The following MYRF variants were observed in gnomAD, a reference collection of about 807,000 sequenced individuals.
MYRF encodes myelin regulatory factor, also known as myelin gene regulatory factor.
MYRF carries 16 observed loss-of-function variants against 126.3 expected under a neutral mutation model. The observed-to-expected ratio is 0.13, with a 90% confidence interval of 0.09 to 0.19. The LOEUF is 0.19. MYRF is among the 10% of genes least tolerant of loss of function. The probability of loss-of-function intolerance (pLI) is 1.00; values close to 1 mark genes in which losing one functional copy is unlikely to be tolerated. For missense variants in MYRF, 1,104 were observed against 1,547.0 expected (o/e 0.71, Z 4.80); for synonymous variants, 608 against 635.3 (o/e 0.96, Z 0.65).
rs1470858981 is a variant in MYRF at position 61,780,702 on chromosome 11, T to TGCCCCTTAGCTCTTTTGCC, written c.2406-8_2416dup. 6.5e-7 allele frequency: 1 copy of TGCCCCTTAGCTCTTTTGCC among 1,549,990 alleles called. No homozygotes were observed. Among genetic ancestry groups the TGCCCCTTAGCTCTTTTGCC allele is most frequent in the African/African-American group, 1.4e-5 (1 of 73,046 alleles). On this transcript the variant is annotated splice_polypyrimidine_tract_variant and intron_variant, in intron 18 of 26. Coordinates refer to ENST00000278836, the MANE Select transcript of MYRF (RefSeq NM_001127392.3). Reference sequence around the variant, plus strand: ...CCTGTCTCACCCTTTGCCTTTTTGCTGCCCCTTAGCTCTTTTGCCGTGTCC... The same window carrying TGCCCCTTAGCTCTTTTGCC: ...CCTGTCTCACCCTTTGCCTTTTTGCTGCCCCTTAGCTCTTTTGCCGCCCCTTAGCTCTTTTGCCGTGTCC...
At chr11:61,784,408 G>C (rs1283544964) in intron 25 of MYRF, 23 bp downstream of exon 25, 2 of 1,595,454 alleles carry the variant, frequency 1.3e-6, no homozygotes, top group African/African-American at 1.3e-5. Flanking sequence ...GGGAAGCTGC[G>C]GGCCGGCCAG....
At chr11:61,762,393 G>C (rs1411475816) in intron 1 of MYRF, among the ~76,000 whole-genome samples, 1 of 152,202 alleles carries the variant, frequency 6.6e-6, no homozygotes, top group Non-Finnish European at 1.5e-5. Flanking sequence ...TTGGGCCCTG[G>C]GCAGCCTCGG....
intron 1 of MYRF, 32 bp from the exon 2 acceptor site, chr11:61,765,593 C>G (rs921210277): frequency 6.3e-7 from 1 of 1,581,252 alleles, no homozygotes; most frequent in African/African-American, 1.4e-5. Context: ...GGAGCTGGGC[C>G]TCTTCCCTAG....
intron 1 of MYRF, among the ~76,000 whole-genome samples, chr11:61,760,629 T>C (rs198471): frequency 0.71 from 107,393 of 151,930 alleles, 38,907 homozygotes; most frequent in East Asian, 0.77. Context: ...TGGGCGGAGG[T>C]GTGCAGGCAG....
intron 1 of MYRF, among the ~76,000 whole-genome samples, chr11:61,760,206 A>C (rs1198991414): frequency 6.6e-6 from 1 of 152,142 alleles, no homozygotes; most frequent in Non-Finnish European, 1.5e-5. Context: ...TGACCTTGTG[A>C]TCTGCCCACC....
rs2066604121 is a variant in MYRF at position 61,783,389 on chromosome 11, T to A, written c.3017-109T>A. On this transcript the variant is annotated intron_variant, in intron 22 of 26. Transcript: ENST00000278836. The surrounding 1 kb of genome is among the most constrained non-coding windows in gnomAD (Gnocchi z 4.6). ...TGTGGAGGTCTGGAAAAAAATAACC[T>A]GGAACTTATTCATACTAAGGTGTGA... 2.4e-6 allele frequency: 2 copies of A among 834,472 alleles called. No individual in the cohort carries two copies. Among genetic ancestry groups the A allele is most frequent in the Non-Finnish European group, 4.0e-6 (2 of 504,764 alleles). The allele number at this position is 834,472 out of a possible 1,614,324, so 51.7% of individuals were successfully genotyped here.
intron 16 of MYRF, 136 bp downstream of exon 16, chr11:61,779,706 G>C: frequency 6.6e-6 from 8 of 1,212,518 alleles, no homozygotes; most frequent in Non-Finnish European, 9.2e-6. Flanking sequence ...TCCCAGCCCC[G>C]TTTCTCTTTC....
At chr11:61,759,215 C>T (rs2065841100) in intron 1 of MYRF, among the ~76,000 whole-genome samples, 3 of 152,204 alleles carry the variant, frequency 2.0e-5, no homozygotes, top group Non-Finnish European at 4.4e-5. Context: ...AGGAACAGGT[C>T]GCAGCTGCTG....
At chr11:61,771,801 G>A (rs1327402518) in intron 6 of MYRF, 28 bp from the exon 7 acceptor site, 1 of 1,613,752 alleles carries the variant, frequency 6.2e-7, no homozygotes, top group African/African-American at 1.3e-5. Context: ...CAAGGTGCAG[G>A]GCCCACATGG....
rs772493834 is a variant in MYRF at position 61,784,365 on chromosome 11, C to A, written c.3280C>A (p.His1094Asn). Reference protein sequence around the residue: ...CEEGSLPQSLHTHQDTQGTSH... With the variant: ...CEEGSLPQSLNTHQDTQGTSH... ...GGAGGGGAGCCTTCCACAGAGTCTC[C>A]ACACCCACCAGGACACCCAGGTAGG... is the stretch of plus-strand genomic sequence containing the variant. Residue 1094 changes from histidine (H) to asparagine (N), a missense_variant, in exon 25 of 27, where the codon CAC (histidine) becomes AAC (asparagine). His to Asn is a moderately conservative substitution (Grantham distance 68). Around this residue, in one of 10 missense-constraint regions of MYRF, gnomAD observed 94 missense variants for 164.6 expected, o/e 0.57. Coordinates refer to ENST00000278836, the MANE Select transcript of MYRF (RefSeq NM_001127392.3). The A allele has an allele frequency of 6.2e-7, 1 of 1,613,844 alleles. No individual in the cohort carries two copies. The highest frequency in any genetic ancestry group is 8.5e-7 in the Non-Finnish European group (1 of 1,179,984).
At position 61,752,698 on chromosome 11, in the gene MYRF, G is replaced by C. The variant is rs2065639886; in HGVS notation, c.-47G>C. The C allele has an allele frequency of 7.6e-7, 1 of 1,310,964 alleles. No individual in the cohort carries two copies. The highest frequency in any genetic ancestry group is 4.1e-5 in the Admixed American group (1 of 24,644). The allele number at this position is 1,310,964 out of a possible 1,614,324, so 81.2% of individuals were successfully genotyped here. Reference sequence around the variant, plus strand: ...GCCGGCGATGCCGCGCCCCCGGGCCGGGCTGTAGCGGGGCCGCGGCTGGAG... The same window carrying C: ...GCCGGCGATGCCGCGCCCCCGGGCCCGGCTGTAGCGGGGCCGCGGCTGGAG... On this transcript the variant is annotated 5_prime_UTR_variant, in exon 1 of 27. Transcript: ENST00000278836.
intron 1 of MYRF, among the ~76,000 whole-genome samples, chr11:61,760,008 G>A (rs1029583422): frequency 3.3e-5 from 5 of 151,410 alleles, no homozygotes; most frequent in Non-Finnish European, 7.4e-5. Flanking sequence ...TCACTCTGTC[G>A]CCCAGGCTGG....
intron 1 of MYRF, among the ~76,000 whole-genome samples, chr11:61,753,751 C>G (rs1303181022): frequency 6.6e-6 from 1 of 152,144 alleles, no homozygotes; most frequent in Admixed American, 6.5e-5. Flanking sequence ...GTCTGCTCCT[C>G]CATCTAACCA....
Position 61,776,665 on chromosome 11 carries a change from G to C in MYRF, c.1500-122G>C, listed in dbSNP as rs1041733732. On this transcript the variant is annotated intron_variant, in intron 10 of 26. Transcript: ENST00000278836. This position sits in a 1 kb window ranked among gnomAD's most constrained non-coding sequence, Gnocchi z 4.3. ...GGCCCTGGGGAATTTCTGCCCCCTG[G>C]TGGAGGCTCGGGTTCCTCCTCTGTA... The C allele has an allele frequency of 1.2e-6, 1 of 849,462 alleles. No homozygotes were observed. The highest frequency in any genetic ancestry group is 1.7e-5 in the African/African-American group (1 of 58,220). 52.6% of individuals were successfully genotyped at this position (849,462 alleles called of 1,614,324 possible).
chr11:61,771,710 C>T lies in MYRF; in HGVS notation c.951C>T (p.Val317=), dbSNP rs368659202. The change falls in exon 6 of 27, where the codon GTC becomes GTT. Residue 317 remains valine (V), a synonymous_variant. Coordinates refer to ENST00000278836, the MANE Select transcript of MYRF (RefSeq NM_001127392.3). ...PGSLPLSIAR[V]QTPPWHPPGA... ...CCTTGCCTCTCAGCATTGCCCGTGTCCAGACACCGCCTTGGCACCCGCCAG... is the reference window on the plus strand; with the variant it reads ...CCTTGCCTCTCAGCATTGCCCGTGTTCAGACACCGCCTTGGCACCCGCCAG... 3.1e-5 allele frequency: 50 copies of T among 1,613,252 alleles called. No individual in the cohort carries two copies. Among genetic ancestry groups the T allele is most frequent in the Non-Finnish European group, 4.1e-5 (48 of 1,179,670 alleles).
At chr11:61,767,674 A>C (rs198466) in intron 3 of MYRF, among the ~76,000 whole-genome samples, 50,245 of 151,788 alleles carry the variant, frequency 0.33, 10,061 homozygotes, top group Middle Eastern at 0.48. Flanking sequence ...AAATACAAAA[A>C]TTAGCTGGGT....
chr11:61,770,308 C>G lies in MYRF; in HGVS notation c.523C>G (p.Leu175Val). The G allele has an allele frequency of 6.2e-7, 1 of 1,601,518 alleles. No homozygotes were observed. Among genetic ancestry groups the G allele is most frequent in the South Asian group, 1.1e-5 (1 of 89,296 alleles). ...GTGCCACGTGGGAGTGCCCTCCCGC[C>G]TGGAGCATCCGCCCCCACCTCCAGC... is the stretch of plus-strand genomic sequence containing the variant. ...TLCHVGVPSR[L>V]EHPPPPPAHL... The change falls in exon 5 of 27, where the codon CTG (leucine) becomes GTG (valine). Residue 175 changes from leucine to valine, a missense_variant. By Grantham distance (32) the Leu-to-Val change is conservative. Transcript: ENST00000278836.
Position 61,778,968 on chromosome 11 carries a change from C to T in MYRF, c.2014-295C>T, listed in dbSNP as rs2066466577. The T allele has an allele frequency of 1.6e-6, 1 of 630,156 alleles. No individual in the cohort carries two copies. Among genetic ancestry groups the T allele is most frequent in the Non-Finnish European group, 2.9e-6 (1 of 339,222 alleles). The allele number at this position is 630,156 out of a possible 1,614,324, so 39.0% of individuals were successfully genotyped here. On this transcript the variant is annotated intron_variant, in intron 14 of 26. Transcript: ENST00000278836. The surrounding 1 kb of genome is among the most constrained non-coding windows in gnomAD (Gnocchi z 4.6). ...GAGGGGCAGATCCCGGGGCTGCAGC[C>T]TTCAGGCTTAGGAGAGGAGAGCTCT...
Position 61,780,754 on chromosome 11 carries a change from GC to G in MYRF, c.2452del (p.Gln818SerfsTer27). The G allele has an allele frequency of 1.3e-6, 2 of 1,548,344 alleles. No individual in the cohort carries two copies. ...CTTCCTGTCTCCTGGCCCTGCTCCGGCCCCAGCCCCCTGGGGGGAGTGAGGC... is the reference window on the plus strand; with the variant it reads ...CTTCCTGTCTCCTGGCCCTGCTCCGGCCCAGCCCCCTGGGGGGAGTGAGGC... ...STSCLLALLR[P>X]QPPGGSEALC... On this transcript the variant is annotated frameshift_variant, in exon 19 of 27. Transcript: ENST00000278836. LOFTEE classifies it high-confidence loss of function.
Sources: gnomAD v4.1 joint callset for allele counts (sites outside exome capture counted in the v4.1 genomes callset) on GRCh38, gnomAD v4.1.1 for gene constraint, gnomAD v4.1.1 regional missense constraint, Gnocchi (gnomAD v3.1) non-coding constraint, MANE v1.5 for transcripts, NCBI Gene and HGNC (gene_info 2026-07-23, HGNC 2026-07-21) for gene names.